ANKRD55: variants seen among roughly 807,000 people sequenced by gnomAD.
ANKRD55 encodes the protein ankyrin repeat domain 55.
Under a neutral mutation model 60.6 loss-of-function variants are expected in ANKRD55, and 41 were observed. The observed-to-expected ratio is 0.68, with a 90% CI of 0.53 to 0.88. The LOEUF (loss-of-function observed/expected upper bound fraction) is 0.88. Among genes scored for constraint, ANKRD55 ranks in the 40% least tolerant of loss-of-function variants. The pLI is 0.00. For synonymous variants in ANKRD55, 264 were observed against 290.3 expected, an observed-to-expected ratio of 0.91 and a Z score of 0.92; for missense variants, 732 against 767.6, an observed-to-expected ratio of 0.95 and a Z score of 0.55.
chr5:56,232,987 A>G, intron 1 of ANKRD55, 41 bp from the exon 2 acceptor site: 3 of 1,404,506 alleles, frequency 2.1e-6, no homozygotes, highest in Non-Finnish European at 3.0e-6. Context: ...TACTGTCAAC[A>G]TGACAGTCAG....
At chr5:56,206,569 G>C (rs1448221252) in intron 2 of ANKRD55, among the ~76,000 whole-genome samples, 2 of 152,184 alleles carry the variant, frequency 1.3e-5, no homozygotes, top group Non-Finnish European at 2.9e-5. Flanking sequence ...AGAAGTGTTA[G>C]TGGTAGGTGA....
chr5:56,214,396 G>A (rs1759753880), intron 2 of ANKRD55, among the ~76,000 whole-genome samples: 1 of 152,210 alleles, frequency 6.6e-6, no homozygotes, highest in African/African-American at 2.4e-5. Flanking sequence ...GTGGTGCCAG[G>A]TACTTTGTAT....
intron 3 of ANKRD55, among the ~76,000 whole-genome samples, chr5:56,178,970 T>C (rs1290269429): frequency 1.4e-5 from 2 of 147,402 alleles, no homozygotes; most frequent in South Asian, 2.1e-4. Context: ...CAACCATTTT[T>C]GGGGATAAAT....
At chr5:56,162,088 A>AG in intron 5 of ANKRD55, 1 of 972,198 alleles carries the variant, frequency 1.0e-6, no homozygotes, top group Non-Finnish European at 1.2e-6. Context: ...CTGGGGGAGG[A>AG]GGGAAGGGCA....
intron 4 of ANKRD55, among the ~76,000 whole-genome samples, chr5:56,175,907 G>A (rs1433025329): frequency 6.6e-6 from 1 of 152,088 alleles, no homozygotes; most frequent in Non-Finnish European, 1.5e-5. Context: ...AGAAAAGAAT[G>A]TTTCCCTAAT....
chr5:56,196,311 C>T (rs1759227085), intron 2 of ANKRD55, among the ~76,000 whole-genome samples: 1 of 152,100 alleles, frequency 6.6e-6, no homozygotes, highest in African/African-American at 2.4e-5. Context: ...ATTCTATTAC[C>T]TTGGAGTGTA....
chr5:56,161,094 T>C (rs2111795508), intron 5 of ANKRD55, among the ~76,000 whole-genome samples: 1 of 152,242 alleles, frequency 6.6e-6, no homozygotes, highest in Non-Finnish European at 1.5e-5. Context: ...TCTAGAGTGC[T>C]TAACCCCAGA....
At chr5:56,153,568 C>G (rs539247913) in intron 6 of ANKRD55, among the ~76,000 whole-genome samples, 4 of 151,810 alleles carry the variant, frequency 2.6e-5, no homozygotes, top group Admixed American at 2.0e-4. Flanking sequence ...GGCTGGGTGC[C>G]GTGGCTCACG....
chr5:56,137,560 AG>A, intron 7 of ANKRD55: 10 of 685,910 alleles, frequency 1.5e-5, no homozygotes, highest in Admixed American at 2.3e-5. Context: ...TGCAATTAAA[AG>A]TAAAAGAAAA....
At chr5:56,120,049 T>TC (rs1756993587) in intron 8 of ANKRD55, among the ~76,000 whole-genome samples, 1 of 152,048 alleles carries the variant, frequency 6.6e-6, no homozygotes, top group Non-Finnish European at 1.5e-5. Context: ...CCATTTTTTT[T>TC]TTTTTTGAGA....
intron 8 of ANKRD55, among the ~76,000 whole-genome samples, chr5:56,119,129 A>C (rs415407): frequency 0.51 from 78,027 of 152,028 alleles, 20,804 homozygotes; most frequent in African/African-American, 0.66. Context: ...ATGTTTGTAG[A>C]AGCATTATCA....
intron 2 of ANKRD55, among the ~76,000 whole-genome samples, chr5:56,230,494 A>G (rs1760226906): frequency 6.6e-6 from 1 of 152,226 alleles, no homozygotes. Context: ...ATGTAAAGAC[A>G]GTACTGCTAG....
rs368441781 is a variant in ANKRD55, at chr5:56,225,938, G to A, written c.58+6918C>T. Among the ~76,000 whole-genome samples, 158 of 152,148 alleles carry A rather than the reference G, an allele frequency of 1.0e-3. 3 individuals are homozygous for A. The Middle Eastern group carries it at 0.031, about 29-fold the overall frequency. ...AATTTATAGATTCAATGCCATCCCC[G>A]TCAAGCTACCAATGACTTTCTTCAC... On this transcript the variant is annotated intron_variant, in intron 2 of 11. Coordinates refer to ENST00000341048, the MANE Select transcript of ANKRD55 (RefSeq NM_024669.3).
chr5:56,119,396 C>A (rs1200680118), intron 8 of ANKRD55, among the ~76,000 whole-genome samples: 1 of 152,134 alleles, frequency 6.6e-6, no homozygotes, highest in Non-Finnish European at 1.5e-5. Flanking sequence ...ACTATACAGA[C>A]AGATAACTAT....
chr5:56,129,031 G>A (rs1757344730), intron 7 of ANKRD55, among the ~76,000 whole-genome samples: 1 of 152,230 alleles, frequency 6.6e-6, no homozygotes, highest in Admixed American at 6.5e-5. Flanking sequence ...CTCCTAGTAA[G>A]GTTTCCATGG....
intron 2 of ANKRD55, among the ~76,000 whole-genome samples, chr5:56,202,590 C>T (rs901460016): frequency 7.9e-5 from 12 of 152,112 alleles, no homozygotes; most frequent in Admixed American, 2.0e-4. Flanking sequence ...AAAATAGCTC[C>T]GAACTTTCCA....
chr5:56,186,098 T>A (rs1758967046), intron 2 of ANKRD55, among the ~76,000 whole-genome samples: 1 of 152,218 alleles, frequency 6.6e-6, no homozygotes, highest in African/African-American at 2.4e-5. Flanking sequence ...AACCTCAGTA[T>A]CAGCTTGCAC....
intron 3 of ANKRD55, among the ~76,000 whole-genome samples, chr5:56,178,903 G>A (rs922121471): frequency 1.7e-5 from 2 of 119,438 alleles, no homozygotes; most frequent in Non-Finnish European, 3.2e-5. Context: ...GAAATGCCAG[G>A]TGTTGTCAAG....
chr5:56,142,696 G>A (rs1370194816), intron 7 of ANKRD55, among the ~76,000 whole-genome samples: 4 of 152,180 alleles, frequency 2.6e-5, no homozygotes, highest in Admixed American at 2.6e-4. Context: ...TGTGGCCACC[G>A]CTACAGTGGT....
Sources: allele counts gnomAD v4.1 joint callset (sites outside exome capture counted in the v4.1 genomes callset), GRCh38; gene constraint gnomAD v4.1.1; transcripts MANE v1.5; gene names NCBI Gene and HGNC (gene_info 2026-07-23, HGNC 2026-07-21).